The following KCNIP4 variants were observed in gnomAD, a reference collection of about 807,000 sequenced individuals.
KCNIP4 encodes Kv channel-interacting protein 4.
A neutral mutation model predicts 34.0 loss-of-function variants in KCNIP4; 12 were observed. The ratio of observed to expected loss-of-function variants is 0.35; its 90% confidence interval spans 0.23 to 0.57. The LOEUF is 0.57. KCNIP4 is among the 20% of genes least tolerant of loss of function. The pLI, the probability that KCNIP4 is intolerant of heterozygous loss-of-function variation, is 0.83. For missense variants in KCNIP4, 238 were observed against 311.7 expected (o/e 0.76, Z 1.78); for synonymous variants, 124 against 102.2 (o/e 1.21, Z -1.29).
intron 1 of KCNIP4, among the ~76,000 whole-genome samples, chr4:21,059,337 C>A (rs1743706667): frequency 6.6e-6 from 1 of 152,066 alleles, no homozygotes; most frequent in Admixed American, 6.6e-5. Context: ...TCTGGAGAAC[C>A]CAATCTGGTT....
intron 8 of KCNIP4, among the ~76,000 whole-genome samples, chr4:20,730,461 T>C (rs1405108738): frequency 6.6e-6 from 1 of 151,792 alleles, no homozygotes; most frequent in Non-Finnish European, 1.5e-5. Context: ...TCAAAGCAAA[T>C]GAGAATTTTG....
intron 1 of KCNIP4, among the ~76,000 whole-genome samples, chr4:21,060,549 C>G (rs1743821537): frequency 6.6e-6 from 1 of 152,166 alleles, no homozygotes; most frequent in Non-Finnish European, 1.5e-5. Flanking sequence ...TTTTCAAGTG[C>G]AGAGTAATAC....
intron 1 of KCNIP4, among the ~76,000 whole-genome samples, chr4:21,667,034 T>C (rs549792248): frequency 6.6e-5 from 10 of 152,166 alleles, no homozygotes; most frequent in Non-Finnish European, 1.5e-4. Context: ...GGAAGGAAAC[T>C]AGACAACTAT....
intron 1 of KCNIP4, among the ~76,000 whole-genome samples, chr4:21,258,590 G>A (rs781354987): frequency 1.3e-5 from 2 of 152,044 alleles, no homozygotes; most frequent in Non-Finnish European, 2.9e-5. Context: ...AATTCTTAAT[G>A]TGGCTACACT....
intron 1 of KCNIP4, among the ~76,000 whole-genome samples, chr4:21,178,521 T>TCAGCCA: frequency 6.6e-6 from 1 of 150,840 alleles, no homozygotes; most frequent in African/African-American, 2.5e-5. Flanking sequence ...TCCAGGATAG[T>TCAGCCA]TATTTAAGTC....
chr4:20,864,071 CGTAT>C (rs199574283), intron 2 of KCNIP4, among the ~76,000 whole-genome samples: 226 of 147,144 alleles, frequency 1.5e-3, no homozygotes, highest in Middle Eastern at 7.1e-3. Context: ...TGTATGTATA[CGTAT>C]GTATGTATGT....
chr4:20,816,577 T>C (rs975531287), intron 3 of KCNIP4, among the ~76,000 whole-genome samples: 1 of 152,226 alleles, frequency 6.6e-6, no homozygotes, highest in Non-Finnish European at 1.5e-5. Context: ...GCTGGGGAAA[T>C]GTTTCCAAAG....
intron 1 of KCNIP4, among the ~76,000 whole-genome samples, chr4:21,737,954 C>T (rs1363436727): frequency 6.6e-6 from 1 of 151,704 alleles, no homozygotes; most frequent in African/African-American, 2.4e-5. Context: ...ATTAGTGGGG[C>T]ATGGTGGCAC....
intron 1 of KCNIP4, among the ~76,000 whole-genome samples, chr4:21,122,788 G>C (rs893690769): frequency 6.6e-6 from 1 of 152,178 alleles, no homozygotes; most frequent in Non-Finnish European, 1.5e-5. Flanking sequence ...TAGGACATTA[G>C]GATGACAACT....
At chr4:21,544,851 A>G (rs1293947551) in intron 1 of KCNIP4, among the ~76,000 whole-genome samples, 1 of 150,514 alleles carries the variant, frequency 6.6e-6, no homozygotes, top group African/African-American at 2.4e-5. Context: ...CTTTCATAAT[A>G]AACTTGCTTC....
intron 3 of KCNIP4, among the ~76,000 whole-genome samples, chr4:20,802,276 T>TATATATATATGCA (rs201516840): frequency 8.2e-6 from 1 of 121,888 alleles, no homozygotes; most frequent in African/African-American, 3.2e-5. Context: ...ATATATATGC[T>TATATATATATGCA]ATATATATAT....
At chr4:21,227,520 C>A (rs1398744380) in intron 1 of KCNIP4, among the ~76,000 whole-genome samples, 1 of 152,152 alleles carries the variant, frequency 6.6e-6, no homozygotes. Flanking sequence ...CCTGCTCTAG[C>A]TCCACTTCAT....
chr4:21,439,184 G>T (rs1560406687), intron 1 of KCNIP4, among the ~76,000 whole-genome samples: 1 of 146,950 alleles, frequency 6.8e-6, no homozygotes, highest in South Asian at 2.2e-4. Flanking sequence ...AAAAAAAGTA[G>T]AGAAAGAAGC....
At chr4:21,103,728 TC>T (rs1479712731) in intron 1 of KCNIP4, among the ~76,000 whole-genome samples, 2 of 90,342 alleles carry the variant, frequency 2.2e-5, no homozygotes, top group African/African-American at 4.2e-5. Context: ...ATGCTATCCC[TC>T]CCCCCTCCCC....
At chr4:21,370,842 T>C (rs1384513898) in intron 1 of KCNIP4, among the ~76,000 whole-genome samples, 524 of 27,078 alleles carry the variant, frequency 0.019, 15 homozygotes, top group Middle Eastern at 0.067. Context: ...TATATATATA[T>C]ATATATATAC....
At chr4:21,805,791 C>G (rs924855879) in intron 1 of KCNIP4, among the ~76,000 whole-genome samples, 1 of 152,126 alleles carries the variant, frequency 6.6e-6, no homozygotes, top group Non-Finnish European at 1.5e-5. Context: ...GGCCAGTAAG[C>G]AAGTTCATCT....
chr4:21,385,155 T>C (rs1257247753), intron 1 of KCNIP4, among the ~76,000 whole-genome samples: 1 of 152,148 alleles, frequency 6.6e-6, no homozygotes, highest in Non-Finnish European at 1.5e-5. Context: ...ATTCAGAGTT[T>C]TGGAGGCATA....
At chr4:21,869,204 C>T (rs1218480209) in intron 1 of KCNIP4, among the ~76,000 whole-genome samples, 1 of 151,998 alleles carries the variant, frequency 6.6e-6, no homozygotes, top group Admixed American at 6.6e-5. Flanking sequence ...CATTTCTACC[C>T]CAATTTTCTC....
chr4:21,054,030 T>C (rs1743171209), intron 1 of KCNIP4, among the ~76,000 whole-genome samples: 2 of 151,838 alleles, frequency 1.3e-5, no homozygotes, highest in African/African-American at 4.9e-5. Flanking sequence ...ATTGACAAAA[T>C]GTAGATATTG....
Sources: allele counts gnomAD v4.1 joint callset (sites outside exome capture counted in the v4.1 genomes callset), GRCh38; gene constraint gnomAD v4.1.1; transcripts MANE v1.5; gene names NCBI Gene and HGNC (gene_info 2026-07-23, HGNC 2026-07-21).